Variants in BRCA2 observed in about 807,000 individuals in gnomAD.
BRCA2 encodes breast cancer type 2 susceptibility protein.
A neutral mutation model predicts 276.7 loss-of-function variants in BRCA2; 203 were observed. The ratio of observed to expected loss-of-function variants is 0.73; its 90% CI spans 0.65 to 0.82. The LOEUF is 0.82. Ranked by LOEUF, BRCA2 falls within the 40% of genes least tolerant of loss-of-function variation. The pLI is 0.00. For missense variants in BRCA2, 3,920 were observed against 3,915.0 expected (o/e 1.00, Z -0.03); for synonymous variants, 1,289 against 1,338.4 (o/e 0.96, Z 0.81).
At chr13:32,360,674 TG>T (rs994734901) in intron 16 of BRCA2, among the ~76,000 whole-genome samples, 10 of 152,102 alleles carry the variant, frequency 6.6e-5, no homozygotes, top group Admixed American at 1.3e-4. Flanking sequence ...GACTTATTTT[TG>T]AAAAAATAAT....
At chr13:32,392,724 T>C (rs2073005646) in intron 24 of BRCA2, among the ~76,000 whole-genome samples, 1 of 152,210 alleles carries the variant, frequency 6.6e-6, no homozygotes. Context: ...ATAACCGTAG[T>C]ACAATTAGAA....
At chr13:32,347,734 AT>A (rs552521179) in intron 13 of BRCA2, among the ~76,000 whole-genome samples, 2 of 151,818 alleles carry the variant, frequency 1.3e-5, no homozygotes, top group Non-Finnish European at 2.9e-5. Flanking sequence ...AGACTGGAAG[AT>A]TTTTTTTTCC....
At chr13:32,325,642 G>A (rs112723773) in intron 4 of BRCA2, among the ~76,000 whole-genome samples, 7 of 151,036 alleles carry the variant, frequency 4.6e-5, no homozygotes, top group African/African-American at 7.3e-5. Context: ...CCGGGTTCAC[G>A]CCATTCTCCT....
chr13:32,385,596 G>A, intron 24 of BRCA2: 1 of 266,522 alleles, frequency 3.8e-6, no homozygotes. Flanking sequence ...CTACCAACAA[G>A]CAGCCTAGAG....
At chr13:32,377,181 T>C (rs2072879585) in intron 21 of BRCA2, among the ~76,000 whole-genome samples, 1 of 152,190 alleles carries the variant, frequency 6.6e-6, no homozygotes, top group Non-Finnish European at 1.5e-5. Context: ...GGAGTGTACT[T>C]GATAATCCTC....
chr13:32,350,052 AACATAG>A (rs1362933784), intron 13 of BRCA2, among the ~76,000 whole-genome samples: 1 of 152,154 alleles, frequency 6.6e-6, no homozygotes, highest in Non-Finnish European at 1.5e-5. Flanking sequence ...CAGCTTCCAG[AACATAG>A]ACAGCTAAGT....
rs80358741 is a variant in BRCA2 at position 32,339,519 on chromosome 13, A to T, written c.5164A>T (p.Ser1722Cys). 5 of 1,592,744 alleles carry T rather than the reference A, an allele frequency of 3.1e-6. No individual in the cohort carries two copies. In the African/African-American group the frequency reaches 5.4e-5, roughly 17 times the overall value. Residue 1722 changes from serine to cysteine, a missense_variant, in exon 11 of 27, where the codon AGT becomes TGT. This residue lies in a region of BRCA2 where 3,263 missense variants were observed against 3,156.9 expected (regional missense o/e 1.03). Coordinates refer to ENST00000380152, the MANE Select transcript of BRCA2 (RefSeq NM_000059.4). ...TTATTTGTATGAAAATAATTCAAACAGTACTATAGCTGAAAATGACAAAAA... is the reference window on the plus strand; with the variant it reads ...TTATTTGTATGAAAATAATTCAAACTGTACTATAGCTGAAAATGACAAAAA... ...GNYLYENNSN[S>C]TIAENDKNHL...
chr13:32,389,649 A>G (rs1450748167), intron 24 of BRCA2, among the ~76,000 whole-genome samples: 1 of 152,176 alleles, frequency 6.6e-6, no homozygotes, highest in African/African-American at 2.4e-5. Flanking sequence ...CATCATTCCA[A>G]TTGATGTGTC....
intron 11 of BRCA2, among the ~76,000 whole-genome samples, chr13:32,343,694 G>A (rs189588030): frequency 6.8e-6 from 1 of 146,780 alleles, no homozygotes; most frequent in Admixed American, 7.0e-5. Flanking sequence ...GAAGTATATT[G>A]ACTTTCCACC....
chr13:32,332,874 A>T lies in BRCA2; in HGVS notation c.1396A>T (p.Asn466Tyr), dbSNP rs1350502382. Residue 466 changes from asparagine to tyrosine, a missense_variant, in exon 10 of 27, where the codon AAT (asparagine) becomes TAT (tyrosine). Coordinates refer to ENST00000380152, the MANE Select transcript of BRCA2 (RefSeq NM_000059.4). ...GCCATTAAATGAGGAAACAGTGGTA[A>T]ATAAGAGAGATGAAGAGCAGCATCT... ...EKPLNEETVV[N>Y]KRDEEQHLES... 1 of 1,611,424 alleles carries T rather than the reference A, an allele frequency of 6.2e-7. No homozygotes were observed. Among genetic ancestry groups the T allele is most frequent in the South Asian group, 1.1e-5 (1 of 90,042 alleles).
intron 8 of BRCA2, 23 bp downstream of exon 8, chr13:32,329,515 A>G (rs1168809474): frequency 1.3e-6 from 2 of 1,556,704 alleles, no homozygotes; most frequent in Non-Finnish European, 1.8e-6. Context: ...GACATTGATT[A>G]GACTGTTGAA....
rs996370240 is a variant in BRCA2 at position 32,396,480 on chromosome 13, C to T, written c.9502-418C>T. ...CATTTCAATTAATTCTTGGAACAGA[C>T]GTGAGGTAGGTGAGGCAATTCTTTC... On this transcript the variant is annotated intron_variant, in intron 25 of 26. Transcript: ENST00000380152. Among the ~76,000 whole-genome samples the T allele has an allele frequency of 3.2e-4, 48 of 152,180 alleles. 2 individuals carry two copies. Among genetic ancestry groups the T allele is most frequent in the Non-Finnish European group, 1.5e-4 (10 of 68,034 alleles).
rs1003779807 is a variant in BRCA2, at chr13:32,332,529, A to G, written c.1051A>G (p.Lys351Glu). 6.2e-7 allele frequency: 1 copy of G among 1,611,954 alleles called. No individual in the cohort carries two copies. Among genetic ancestry groups the G allele is most frequent in the African/African-American group, 1.3e-5 (1 of 74,904 alleles). The change falls in exon 10 of 27, where the codon AAA becomes GAA. Residue 351 changes from lysine (K) to glutamate (E), a missense_variant. Transcript: ENST00000380152. ...AAAATCTAAAAACCAAGTGAAAGAA[A>G]AATACTCATTTGTATCTGAAGTGGA... is the stretch of plus-strand genomic sequence containing the variant. ...CEKSKNQVKE[K>E]YSFVSEVEPN... is the part of the protein sequence containing the mutation.
At chr13:32,392,341 G>A (rs2073002490) in intron 24 of BRCA2, among the ~76,000 whole-genome samples, 1 of 152,130 alleles carries the variant, frequency 6.6e-6, no homozygotes, top group Non-Finnish European at 1.5e-5. Context: ...TTCTATCCTG[G>A]TTTATCCCAG....
At chr13:32,358,249 G>A (rs533697378) in intron 16 of BRCA2, among the ~76,000 whole-genome samples, 173 of 152,186 alleles carry the variant, frequency 1.1e-3, no homozygotes, top group African/African-American at 3.8e-3. Context: ...GCCGAGGCGG[G>A]TAGATCACCT....
intron 20 of BRCA2, among the ~76,000 whole-genome samples, chr13:32,372,996 C>CTTT (rs35596121): frequency 6.9e-6 from 1 of 144,582 alleles, no homozygotes; most frequent in Non-Finnish European, 1.5e-5. Context: ...ATCAATGAAT[C>CTTT]TTTTTTTTTT....
At chr13:32,336,030 C>T (rs546131503) in intron 10 of BRCA2, among the ~76,000 whole-genome samples, 111 of 151,924 alleles carry the variant, frequency 7.3e-4, no homozygotes, top group Middle Eastern at 6.8e-3. Context: ...CACAGGCATA[C>T]ACCACCACAC....
chr13:32,342,036 C>T lies in BRCA2; in HGVS notation c.6841+840C>T, dbSNP rs1323521279. On this transcript the variant is annotated intron_variant, in intron 11 of 26. Transcript: ENST00000380152. ...CCTGTAATCCCAGCACTTTGGGAGGCCGAGGTGGGTGGATCACCTGAGGTC... is the reference window on the plus strand; with the variant it reads ...CCTGTAATCCCAGCACTTTGGGAGGTCGAGGTGGGTGGATCACCTGAGGTC... Among the ~76,000 whole-genome samples the T allele has an allele frequency of 2.0e-5, 3 of 152,140 alleles. No individual in the cohort carries two copies. In the East Asian group the frequency reaches 5.8e-4, roughly 29 times the overall value.
chr13:32,345,572 C>G (rs905215085), intron 12 of BRCA2, among the ~76,000 whole-genome samples: 1 of 151,816 alleles, frequency 6.6e-6, no homozygotes, highest in African/African-American at 2.4e-5. Context: ...AGTTTTTGTC[C>G]TTAGAGTATA....
Sources: allele counts gnomAD v4.1 joint callset (sites outside exome capture counted in the v4.1 genomes callset), GRCh38; gene constraint gnomAD v4.1.1; regional missense constraint gnomAD v4.1.1; transcripts MANE v1.5; gene names NCBI Gene and HGNC (gene_info 2026-07-23, HGNC 2026-07-21).